Variants in NELL1 observed in about 807,000 individuals in gnomAD.
The protein encoded by NELL1 is neural EGFL like 1.
NELL1 carries 76 observed loss-of-function variants against 107.4 expected under a neutral mutation model. The observed-to-expected ratio is 0.71, with a 90% confidence interval of 0.59 to 0.86. NELL1 has a LOEUF of 0.86. Ranked by LOEUF, NELL1 falls within the 40% of genes least tolerant of loss-of-function variation. The probability of loss-of-function intolerance (pLI) is 0.00; values close to 1 mark genes in which losing one functional copy is unlikely to be tolerated. For synonymous variants in NELL1, 353 were observed against 341.2 expected (o/e 1.03, Z -0.38); for missense variants, 1,024 against 1,005.5 (o/e 1.02, Z -0.25).
At chr11:20,804,703 T>C (rs1215715380) in intron 3 of NELL1, among the ~76,000 whole-genome samples, 2 of 152,234 alleles carry the variant, frequency 1.3e-5, no homozygotes, top group Non-Finnish European at 2.9e-5. Context: ...TTGTCTGTTA[T>C]ATAGTCTACC....
At chr11:20,708,532 T>C (rs1296799972) in intron 2 of NELL1, among the ~76,000 whole-genome samples, 3 of 152,218 alleles carry the variant, frequency 2.0e-5, no homozygotes, top group Non-Finnish European at 4.4e-5. Context: ...TTTTGAGAAT[T>C]GTCTATTCAT....
chr11:21,225,483 T>C (rs910234996), intron 13 of NELL1, among the ~76,000 whole-genome samples: 3 of 152,160 alleles, frequency 2.0e-5, no homozygotes, highest in African/African-American at 7.2e-5. Context: ...GTGCTTTGCT[T>C]TTCTCTCTGT....
intron 2 of NELL1, among the ~76,000 whole-genome samples, chr11:20,707,887 G>T (rs895492235): frequency 6.6e-6 from 1 of 152,206 alleles, no homozygotes; most frequent in East Asian, 1.9e-4. Context: ...AGACAGGGAC[G>T]TTTAAGTCTG....
At chr11:21,372,407 A>T (rs994785142) in intron 15 of NELL1, among the ~76,000 whole-genome samples, 1 of 152,088 alleles carries the variant, frequency 6.6e-6, no homozygotes, top group Non-Finnish European at 1.5e-5. Context: ...GAATACTACT[A>T]CTAATGATAT....
At chr11:20,954,345 C>T (rs542483938) in intron 11 of NELL1, among the ~76,000 whole-genome samples, 1 of 152,250 alleles carries the variant, frequency 6.6e-6, no homozygotes, top group Admixed American at 6.5e-5. Flanking sequence ...GTTGTCATTC[C>T]ATTTCTCCCA....
chr11:21,483,958 A>T (rs1324877807), intron 15 of NELL1, among the ~76,000 whole-genome samples: 1 of 135,384 alleles, frequency 7.4e-6, no homozygotes, highest in Non-Finnish European at 1.6e-5. Context: ...ACCAAACAAT[A>T]TCCCATTATT....
chr11:21,506,757 C>G (rs11607889), intron 15 of NELL1, among the ~76,000 whole-genome samples: 25,624 of 152,118 alleles, frequency 0.17, 2,265 homozygotes, highest in Non-Finnish European at 0.19. Flanking sequence ...GCATATGACC[C>G]TCTCCTTTAT....
intron 12 of NELL1, among the ~76,000 whole-genome samples, chr11:21,000,261 A>G (rs565818807): frequency 2.3e-5 from 3 of 130,848 alleles, no homozygotes; most frequent in Admixed American, 6.8e-5. Context: ...AACTTAAAGT[A>G]TAATAAAAAA....
chr11:21,213,795 A>T (rs976762282), intron 13 of NELL1, among the ~76,000 whole-genome samples: 1 of 152,196 alleles, frequency 6.6e-6, no homozygotes, highest in Non-Finnish European at 1.5e-5. Flanking sequence ...AGGCAAAAAA[A>T]TTAATCCCAA....
chr11:20,759,060 G>T (rs1413451669), intron 2 of NELL1, among the ~76,000 whole-genome samples: 1 of 152,158 alleles, frequency 6.6e-6, no homozygotes, highest in Non-Finnish European at 1.5e-5. Flanking sequence ...GGAACTTGAG[G>T]CTCAGAAAAA....
intron 11 of NELL1, among the ~76,000 whole-genome samples, chr11:20,956,151 G>A (rs113877420): frequency 0.029 from 4,405 of 151,696 alleles, 228 homozygotes; most frequent in African/African-American, 0.1. Flanking sequence ...CCCGGGAGGT[G>A]GGGTTTGCAG....
chr11:21,183,587 C>T (rs894489660), intron 13 of NELL1, among the ~76,000 whole-genome samples: 7 of 151,786 alleles, frequency 4.6e-5, no homozygotes, highest in Admixed American at 2.0e-4. Context: ...ATGCAGGCAT[C>T]GATCTGTTTG....
chr11:21,125,538 G>A (rs1855467937), intron 13 of NELL1, among the ~76,000 whole-genome samples: 1 of 152,066 alleles, frequency 6.6e-6, no homozygotes, highest in Non-Finnish European at 1.5e-5. Context: ...TGGTCTCTTT[G>A]GGAGACATAA....
At chr11:21,360,470 T>C (rs1006635557) in intron 14 of NELL1, among the ~76,000 whole-genome samples, 4 of 152,188 alleles carry the variant, frequency 2.6e-5, no homozygotes, top group Admixed American at 6.5e-5. Context: ...TATACAGTTG[T>C]TGGGTAGAAT....
At chr11:20,784,919 AG>A (rs1268828783) in intron 3 of NELL1, among the ~76,000 whole-genome samples, 3 of 152,222 alleles carry the variant, frequency 2.0e-5, no homozygotes, top group Non-Finnish European at 4.4e-5. Flanking sequence ...AAGAAATAGT[AG>A]ATTGGTGTTA....
At chr11:21,257,885 C>T (rs1228103747) in intron 14 of NELL1, among the ~76,000 whole-genome samples, 1 of 151,934 alleles carries the variant, frequency 6.6e-6, no homozygotes, top group Non-Finnish European at 1.5e-5. Context: ...CCCTAAGTGA[C>T]AAATGTACCA....
chr11:21,389,474 A>G (rs1851818975), intron 15 of NELL1, among the ~76,000 whole-genome samples: 1 of 151,768 alleles, frequency 6.6e-6, no homozygotes, highest in Non-Finnish European at 1.5e-5. Flanking sequence ...TCCCTTCCTT[A>G]AGGCTGCTCT....
chr11:20,786,865 G>A lies in NELL1; in HGVS notation c.335+3035G>A, dbSNP rs573149048. Reference sequence around the variant, plus strand: ...CTACTAAAAATACAAAAAATTAGCCGGGCATGGTGGCGGGCGCCTGTAGTC... The same window carrying A: ...CTACTAAAAATACAAAAAATTAGCCAGGCATGGTGGCGGGCGCCTGTAGTC... On this transcript the variant is annotated intron_variant, in intron 3 of 19. Transcript: ENST00000357134. Among the ~76,000 whole-genome samples, 245 of 151,764 alleles carry A rather than the reference G, an allele frequency of 1.6e-3. 1 individual carries two copies. The highest frequency in any genetic ancestry group is 0.011 in the East Asian group (55 of 5,112).
intron 14 of NELL1, among the ~76,000 whole-genome samples, chr11:21,303,890 T>C (rs1318645547): frequency 6.6e-6 from 1 of 152,048 alleles, no homozygotes; most frequent in Non-Finnish European, 1.5e-5. Context: ...GCCTCATTGC[T>C]GAGTCCACTG....
Sources: allele counts gnomAD v4.1 joint callset (sites outside exome capture counted in the v4.1 genomes callset), GRCh38; gene constraint gnomAD v4.1.1; transcripts MANE v1.5; gene names NCBI Gene and HGNC (gene_info 2026-07-23, HGNC 2026-07-21).